The following SUPT3H variants were observed in gnomAD, a reference collection of about 807,000 sequenced individuals.
SUPT3H encodes transcription initiation protein SPT3 homolog.
In SUPT3H, 44 loss-of-function variants were observed where a neutral mutation model predicts 44.3. The ratio of observed to expected loss-of-function variants is 0.99; its 90% confidence interval spans 0.78 to 1.28. SUPT3H has a LOEUF of 1.28. SUPT3H is among the 50% of genes most tolerant of loss of function. The probability of loss-of-function intolerance (pLI) is 0.00; values close to 1 mark genes in which losing one functional copy is unlikely to be tolerated. For synonymous variants in SUPT3H, 124 were observed against 125.6 expected, an observed-to-expected ratio of 0.99 and a Z score of 0.09; for missense variants, 380 against 387.1, an observed-to-expected ratio of 0.98 and a Z score of 0.15.
At chr6:45,278,324 T>C (rs1371344069) in intron 2 of SUPT3H, among the ~76,000 whole-genome samples, 1 of 152,026 alleles carries the variant, frequency 6.6e-6, no homozygotes, top group African/African-American at 2.4e-5. Flanking sequence ...TTTAATGATA[T>C]TCAAGTCTAC....
chr6:45,258,052 T>C (rs1773706819), intron 2 of SUPT3H, among the ~76,000 whole-genome samples: 1 of 152,216 alleles, frequency 6.6e-6, no homozygotes, highest in African/African-American at 2.4e-5. Context: ...CTAGGCATGA[T>C]GTTAACATCG....
chr6:45,264,590 A>C (rs1301463389), intron 2 of SUPT3H, among the ~76,000 whole-genome samples: 2 of 152,200 alleles, frequency 1.3e-5, no homozygotes, highest in Non-Finnish European at 2.9e-5. Flanking sequence ...TGTTTAACTT[A>C]ATAAACAAAG....
intron 3 of SUPT3H, among the ~76,000 whole-genome samples, chr6:45,044,743 C>T (rs949775926): frequency 1.3e-5 from 2 of 151,990 alleles, no homozygotes; most frequent in African/African-American, 4.8e-5. Context: ...GCCAGGTGAC[C>T]CTACGCTTTC....
intron 2 of SUPT3H, among the ~76,000 whole-genome samples, chr6:45,238,633 T>C (rs1453675505): frequency 6.6e-6 from 1 of 152,198 alleles, no homozygotes; most frequent in East Asian, 1.9e-4. Context: ...CTGTTGTTAT[T>C]TTGTTATTGT....
intron 10 of SUPT3H, among the ~76,000 whole-genome samples, chr6:44,868,077 G>C (rs1378430559): frequency 6.6e-6 from 1 of 151,062 alleles, no homozygotes; most frequent in Non-Finnish European, 1.5e-5. Flanking sequence ...GCTCAGATTT[G>C]ATTTGCCAAG....
intron 10 of SUPT3H, among the ~76,000 whole-genome samples, chr6:44,842,026 GT>G (rs1450268215): frequency 6.6e-6 from 1 of 152,204 alleles, no homozygotes; most frequent in Non-Finnish European, 1.5e-5. Context: ...GAGAGATGGG[GT>G]GAAGGTGTTA....
chr6:45,313,973 C>G (rs902282561), intron 2 of SUPT3H, among the ~76,000 whole-genome samples: 1 of 152,194 alleles, frequency 6.6e-6, no homozygotes, highest in Admixed American at 6.5e-5. Flanking sequence ...ACCAGGGATG[C>G]AGGGATGGTT....
intron 2 of SUPT3H, among the ~76,000 whole-genome samples, chr6:45,347,150 T>C (rs1003492737): frequency 6.6e-6 from 1 of 152,176 alleles, no homozygotes; most frequent in Non-Finnish European, 1.5e-5. Context: ...ATTATTTACA[T>C]GTATCATATT....
At chr6:45,317,894 A>G (rs1425920015) in intron 2 of SUPT3H, among the ~76,000 whole-genome samples, 1 of 152,198 alleles carries the variant, frequency 6.6e-6, no homozygotes, top group Non-Finnish European at 1.5e-5. Flanking sequence ...TCAACAGAGT[A>G]AAGAAACAAG....
chr6:44,927,285 T>C (rs1769652341), intron 10 of SUPT3H, among the ~76,000 whole-genome samples: 1 of 152,232 alleles, frequency 6.6e-6, no homozygotes, highest in Non-Finnish European at 1.5e-5. Context: ...GATGAAAAGG[T>C]AGTGATATAT....
chr6:45,228,939 C>G (rs893276396), intron 2 of SUPT3H, among the ~76,000 whole-genome samples: 2 of 152,086 alleles, frequency 1.3e-5, no homozygotes, highest in Admixed American at 1.3e-4. Context: ...CGTGCCCAAC[C>G]TAAAAATAAA....
chr6:44,893,431 T>C (rs1763623847), intron 10 of SUPT3H, among the ~76,000 whole-genome samples: 1 of 148,942 alleles, frequency 6.7e-6, no homozygotes. Context: ...CCTGTGTCCA[T>C]GTGTTCTCAT....
chr6:45,157,709 C>T (rs146942427), intron 2 of SUPT3H, among the ~76,000 whole-genome samples: 2,286 of 151,568 alleles, frequency 0.015, 60 homozygotes, highest in African/African-American at 0.05. Flanking sequence ...CCACCATGCC[C>T]GGCTAATTTT....
intron 2 of SUPT3H, among the ~76,000 whole-genome samples, chr6:45,132,624 C>A (rs1803645851): frequency 6.6e-6 from 1 of 152,142 alleles, no homozygotes; most frequent in Non-Finnish European, 1.5e-5. Context: ...TATCATGTCA[C>A]TATTTTTTAT....
chr6:45,083,093 A>C (rs898683683), intron 3 of SUPT3H, among the ~76,000 whole-genome samples: 4 of 151,928 alleles, frequency 2.6e-5, no homozygotes, highest in Admixed American at 6.6e-5. Flanking sequence ...AAGGAGAACT[A>C]TAAAACCCTG....
At chr6:45,004,433 A>G (rs757021991) in intron 5 of SUPT3H, among the ~76,000 whole-genome samples, 34 of 152,062 alleles carry the variant, frequency 2.2e-4, no homozygotes, top group African/African-American at 6.5e-4. Context: ...TAAAAAATAT[A>G]TATCTCTAAG....
At chr6:45,314,075 T>A (rs991040853) in intron 2 of SUPT3H, among the ~76,000 whole-genome samples, 6 of 152,160 alleles carry the variant, frequency 3.9e-5, no homozygotes, top group African/African-American at 1.4e-4. Flanking sequence ...AGAAAAAGCA[T>A]TCGACAAAAT....
intron 10 of SUPT3H, among the ~76,000 whole-genome samples, chr6:44,830,250 T>G (rs1022580052): frequency 6.6e-6 from 1 of 152,198 alleles, no homozygotes; most frequent in South Asian, 2.1e-4. Flanking sequence ...AATTACTGAC[T>G]CATTACTGGC....
chr6:45,350,887 T>C (rs963425018), intron 2 of SUPT3H, among the ~76,000 whole-genome samples: 6 of 152,166 alleles, frequency 3.9e-5, no homozygotes, highest in African/African-American at 1.4e-4. Context: ...TCGTGGCCTG[T>C]TGGGAACCAG....
Sources: allele counts gnomAD v4.1 joint callset (sites outside exome capture counted in the v4.1 genomes callset), GRCh38; gene constraint gnomAD v4.1.1; transcripts MANE v1.5; gene names NCBI Gene and HGNC (gene_info 2026-07-23, HGNC 2026-07-21).